C10orf90: variants seen among roughly 807,000 people sequenced by gnomAD.
The protein encoded by C10orf90 is chromosome 10 open reading frame 90.
C10orf90 carries 56 observed loss-of-function variants against 62.5 expected under a neutral mutation model. That is an observed-to-expected ratio of 0.90 (90% CI 0.72 to 1.12). The LOEUF is 1.12. Among genes scored for constraint, C10orf90 ranks in the 50% most tolerant of loss-of-function variants. The probability of loss-of-function intolerance (pLI) is 0.00; values close to 1 mark genes in which losing one functional copy is unlikely to be tolerated. For missense variants in C10orf90, 970 were observed against 880.4 expected (o/e 1.10, Z -1.29); for synonymous variants, 386 against 340.4 (o/e 1.13, Z -1.47).
chr10:126,623,706 TG>T (rs1206997870), intron 2 of C10orf90, among the ~76,000 whole-genome samples: 2 of 151,378 alleles, frequency 1.3e-5, no homozygotes, highest in African/African-American at 4.9e-5. Flanking sequence ...GTCAGGGTGG[TG>T]GTGGGCGCCT....
At chr10:126,650,464 AGGC>A (rs1402777829) in intron 1 of C10orf90, among the ~76,000 whole-genome samples, 1 of 152,156 alleles carries the variant, frequency 6.6e-6, no homozygotes, top group African/African-American at 2.4e-5. Context: ...TCTGTCACAG[AGGC>A]GTGATCATTA....
At chr10:126,617,369 G>C (rs2133810768) in intron 2 of C10orf90, among the ~76,000 whole-genome samples, 1 of 152,278 alleles carries the variant, frequency 6.6e-6, no homozygotes, top group Middle Eastern at 3.4e-3. Context: ...ACCACAGCCT[G>C]TCATGTGTCC....
In C10orf90 at chr10:126,547,597, G is replaced by A. The variant is rs1046793172; in HGVS notation, c.314-33658C>T. Among the ~76,000 whole-genome samples the A allele has an allele frequency of 3.3e-5, 5 of 149,450 alleles. No individual in the cohort carries two copies. The South Asian group carries it at 6.4e-4, about 19-fold the overall frequency. On this transcript the variant is annotated intron_variant, in intron 2 of 9. Coordinates refer to ENST00000488181, the MANE Select transcript of C10orf90 (RefSeq NM_001350921.2). The stretch of plus-strand genomic sequence containing the variant: ...AAAGCAGCTATGATAAAAATGCTTC[G>A]ACAAGCAATTATAAGCTCACTTGAA...
intron 1 of C10orf90, among the ~76,000 whole-genome samples, chr10:126,668,209 A>G (rs1298731648): frequency 6.6e-6 from 1 of 152,178 alleles, no homozygotes; most frequent in Non-Finnish European, 1.5e-5. Context: ...CAGAAATAAA[A>G]TCTCCAAAAC....
At chr10:126,464,671 G>A (rs1860177306) in intron 5 of C10orf90, 25 bp downstream of exon 5, 5 of 1,582,460 alleles carry the variant, frequency 3.2e-6, no homozygotes, top group Non-Finnish European at 4.3e-6. Context: ...ACCAAATGAT[G>A]TCACCCACCA....
chr10:126,659,448 A>G (rs1200138123), intron 1 of C10orf90, among the ~76,000 whole-genome samples: 1 of 152,230 alleles, frequency 6.6e-6, no homozygotes, highest in African/African-American at 2.4e-5. Flanking sequence ...TGCATTAGAC[A>G]TAAAATAGCA....
At chr10:126,515,217 C>T (rs1564849583) in intron 2 of C10orf90, among the ~76,000 whole-genome samples, 1 of 152,162 alleles carries the variant, frequency 6.6e-6, no homozygotes, top group Admixed American at 6.5e-5. Context: ...GCCATCAGAA[C>T]GTTGTAGTAT....
intron 4 of C10orf90, among the ~76,000 whole-genome samples, chr10:126,471,467 G>C (rs1860582184): frequency 6.6e-6 from 1 of 152,178 alleles, no homozygotes; most frequent in Admixed American, 6.5e-5. Context: ...TGTAAACTGT[G>C]GTAGTGATAT....
At chr10:126,658,081 G>T (rs564151179) in intron 1 of C10orf90, among the ~76,000 whole-genome samples, 1 of 152,300 alleles carries the variant, frequency 6.6e-6, no homozygotes, top group East Asian at 1.9e-4. Context: ...GGGAGTTCAG[G>T]AAGATGCACA....
rs1479848902 is a variant in C10orf90 at position 126,464,890 on chromosome 10, T to C, written c.1631A>G (p.His544Arg). 5 of 1,613,874 alleles carry C rather than the reference T, an allele frequency of 3.1e-6. No individual in the cohort carries two copies. The African/African-American group carries it at 4.0e-5, about 13-fold the overall frequency. Residue 544 changes from histidine to arginine, a missense_variant, in exon 5 of 10, where the codon CAT becomes CGT. Coordinates refer to ENST00000488181, the MANE Select transcript of C10orf90 (RefSeq NM_001350921.2). ...AGAGCTATCCCCAATGGGAAGGAAA[T>C]GTCTAGTGGGCTTCTGTTCCACTGG... ...APPVEQKPTRHFLPIGDSSPS... is the reference protein window; with the variant it reads ...APPVEQKPTRRFLPIGDSSPS...
intron 7 of C10orf90, among the ~76,000 whole-genome samples, chr10:126,446,497 G>A (rs1858790170): frequency 6.6e-6 from 1 of 151,922 alleles, no homozygotes; most frequent in Non-Finnish European, 1.5e-5. Context: ...AGTGCTGGGG[G>A]GAAAAAAATC....
intron 2 of C10orf90, among the ~76,000 whole-genome samples, chr10:126,645,252 A>G (rs940273459): frequency 1.6e-4 from 23 of 146,344 alleles, no homozygotes; most frequent in Admixed American, 8.8e-4. Flanking sequence ...CCTAAAACTT[A>G]AAGTATAAAA....
intron 2 of C10orf90, among the ~76,000 whole-genome samples, chr10:126,626,977 A>C (rs1287670506): frequency 3.6e-5 from 5 of 140,442 alleles, no homozygotes; most frequent in South Asian, 2.4e-4. Flanking sequence ...TGTGATTTAG[A>C]TTTTTCTTTT....
chr10:126,446,330 T>C (rs1470784340), intron 7 of C10orf90, among the ~76,000 whole-genome samples: 1 of 151,886 alleles, frequency 6.6e-6, no homozygotes, highest in Non-Finnish European at 1.5e-5. Context: ...CCAAGACATA[T>C]CATAATCAAA....
chr10:126,439,979 C>T (rs1858199674), intron 7 of C10orf90, among the ~76,000 whole-genome samples: 1 of 152,090 alleles, frequency 6.6e-6, no homozygotes, highest in Non-Finnish European at 1.5e-5. Flanking sequence ...GCCAGAGGTG[C>T]AGGGAAAATG....
intron 4 of C10orf90, among the ~76,000 whole-genome samples, chr10:126,471,987 C>A (rs923569433): frequency 6.6e-6 from 1 of 152,112 alleles, no homozygotes; most frequent in Admixed American, 6.5e-5. Context: ...ATTACTTCGA[C>A]TACATTGCGA....
chr10:126,489,236 G>A (rs1281464170), intron 4 of C10orf90, among the ~76,000 whole-genome samples: 5 of 151,992 alleles, frequency 3.3e-5, no homozygotes, highest in East Asian at 1.9e-4. Context: ...AAAAATCAAT[G>A]TAATTCCCCA....
intron 2 of C10orf90, among the ~76,000 whole-genome samples, chr10:126,588,425 T>C (rs1404501092): frequency 6.6e-6 from 1 of 151,676 alleles, no homozygotes; most frequent in Non-Finnish European, 1.5e-5. Context: ...CCTACAGGAG[T>C]GTTCCAGCCG....
chr10:126,433,184 C>A (rs1590883695), intron 7 of C10orf90, among the ~76,000 whole-genome samples: 1 of 152,130 alleles, frequency 6.6e-6, no homozygotes, highest in East Asian at 1.9e-4. Flanking sequence ...TGGGTTTAAG[C>A]AAACCCATTC....
Sources: allele counts gnomAD v4.1 joint callset (sites outside exome capture counted in the v4.1 genomes callset), GRCh38; gene constraint gnomAD v4.1.1; transcripts MANE v1.5; gene names NCBI Gene and HGNC (gene_info 2026-07-23, HGNC 2026-07-21).